Variants in ATF1 observed in about 807,000 individuals in gnomAD.
ATF1 encodes the protein cyclic AMP-dependent transcription factor ATF-1.
Under a neutral mutation model 34.7 loss-of-function variants are expected in ATF1, and 16 were observed. That is an observed-to-expected ratio of 0.46 (90% CI 0.31 to 0.70). The LOEUF is 0.70. ATF1 is among the 30% of genes least tolerant of loss of function. The probability of loss-of-function intolerance (pLI) is 0.05; values close to 1 mark genes in which losing one functional copy is unlikely to be tolerated. For missense variants in ATF1, 255 were observed against 321.6 expected (o/e 0.79, Z 1.58); for synonymous variants, 105 against 113.1 (o/e 0.93, Z 0.46).
chr12:50,808,992 C>T (rs1002778383), intron 3 of ATF1, among the ~76,000 whole-genome samples: 1 of 152,064 alleles, frequency 6.6e-6, no homozygotes, highest in Non-Finnish European at 1.5e-5. Flanking sequence ...CTGGTCTCGG[C>T]CTCCCAAAAT....
Position 50,818,385 on chromosome 12 carries a change from G to T in ATF1, c.672-1250G>T, listed in dbSNP as rs553143197. 2.6e-5 allele frequency among the ~76,000 whole-genome samples: 4 copies of T among 152,278 alleles called. No individual in the cohort carries two copies. In the East Asian group the frequency reaches 7.7e-4, roughly 29 times the overall value. ...TGATTGTGCCACTGCACTCAGCCTG[G>T]TTGACAGAGTGAGACCCTGTCTCAA... On this transcript the variant is annotated intron_variant, in intron 6 of 6. Coordinates refer to ENST00000262053, the MANE Select transcript of ATF1 (RefSeq NM_005171.5).
rs370015535 is a variant in ATF1 at position 50,813,981 on chromosome 12, C to CAAT, written c.329-27_329-25dup. 2.5e-4 allele frequency: 394 copies of CAAT among 1,594,346 alleles called. 3 individuals carry two copies. The African/African-American group carries it at 5.0e-3, about 20-fold the overall frequency. ...TGAATTAGTGTATTATATAACCTTACAATAGCTATTTTCTCTTTTTGATTA... is the reference window on the plus strand; with the variant it reads ...TGAATTAGTGTATTATATAACCTTACAATAATAGCTATTTTCTCTTTTTGATTA... On this transcript the variant is annotated intron_variant, in intron 4 of 6. Transcript: ENST00000262053.
chr12:50,774,824 T>G (rs1020977716), intron 1 of ATF1, among the ~76,000 whole-genome samples: 1 of 151,504 alleles, frequency 6.6e-6, no homozygotes, highest in East Asian at 1.9e-4. Context: ...CTCGGCTCAT[T>G]GCAAGCTCCG....
chr12:50,764,093 A>G (rs1302962727), upstream of ATF1: 1 of 126,284 alleles, frequency 7.9e-6, no homozygotes. Flanking sequence ...TGTGTAGATC[A>G]TGCCGCCAGT....
At chr12:50,779,853 G>A (rs1215159356) in intron 1 of ATF1, among the ~76,000 whole-genome samples, 1 of 152,148 alleles carries the variant, frequency 6.6e-6, no homozygotes, top group Non-Finnish European at 1.5e-5. Context: ...ATATGTTTGT[G>A]TCCATAGACA....
At chr12:50,800,566 A>G (rs536142451) in intron 3 of ATF1, among the ~76,000 whole-genome samples, 7 of 152,302 alleles carry the variant, frequency 4.6e-5, no homozygotes, top group African/African-American at 1.7e-4. Flanking sequence ...AGCGAGCCTT[A>G]GCACCCAAGC....
chr12:50,817,360 C>T (rs1941864779), intron 6 of ATF1, among the ~76,000 whole-genome samples: 2 of 152,084 alleles, frequency 1.3e-5, no homozygotes, highest in African/African-American at 4.8e-5. Flanking sequence ...AATGAATAAT[C>T]ATTTCAACAT....
intron 1 of ATF1, among the ~76,000 whole-genome samples, chr12:50,766,982 C>T (rs566583340): frequency 6.6e-5 from 10 of 152,140 alleles, no homozygotes; most frequent in African/African-American, 2.4e-4. Flanking sequence ...GGGTGCTAAG[C>T]GGAGTGGCTA....
chr12:50,774,384 A>G (rs1940858270), intron 1 of ATF1, among the ~76,000 whole-genome samples: 1 of 152,128 alleles, frequency 6.6e-6, no homozygotes, highest in East Asian at 1.9e-4. Context: ...TCTCTATGTC[A>G]GCAAGATCTC....
At chr12:50,775,824 T>C (rs2139644003) in intron 1 of ATF1, among the ~76,000 whole-genome samples, 1 of 152,326 alleles carries the variant, frequency 6.6e-6, no homozygotes. Context: ...AGTAGAGATA[T>C]TTGCAGAAGG....
At chr12:50,817,389 T>C (rs950849302) in intron 6 of ATF1, among the ~76,000 whole-genome samples, 7 of 152,156 alleles carry the variant, frequency 4.6e-5, no homozygotes, top group African/African-American at 9.6e-5. Flanking sequence ...CTTAGAAAAA[T>C]TGAATGAAAA....
At chr12:50,774,833 C>T (rs1184015037) in intron 1 of ATF1, among the ~76,000 whole-genome samples, 5 of 151,010 alleles carry the variant, frequency 3.3e-5, no homozygotes, top group South Asian at 2.1e-4. Context: ...TTGCAAGCTC[C>T]GCCTCCCGGG....
chr12:50,807,802 G>GTTTTTTTT (rs60898769), intron 3 of ATF1, among the ~76,000 whole-genome samples: 1 of 141,876 alleles, frequency 7.0e-6, no homozygotes. Context: ...TTGTGTGTGT[G>GTTTTTTTT]TTTTTTTTTT....
intron 2 of ATF1, among the ~76,000 whole-genome samples, chr12:50,788,916 C>T (rs1941243985): frequency 6.6e-6 from 1 of 152,066 alleles, no homozygotes; most frequent in African/African-American, 2.4e-5. Context: ...AATTGACTCC[C>T]AAGTGTAGTA....
At chr12:50,809,653 A>G in intron 4 of ATF1, 64 bp downstream of exon 4, 1 of 1,490,742 alleles carries the variant, frequency 6.7e-7, no homozygotes, top group Non-Finnish European at 9.1e-7. Flanking sequence ...GTAGAAAGAA[A>G]TGGTGTTAGG....
Position 50,767,915 on chromosome 12 carries a change from C to T in ATF1, c.-7+3608C>T, listed in dbSNP as rs569284055. ...TGAGATGGAGTCTTGCTCTGTCGCC[C>T]AGGCTGGAGTGCAGTGGTGCGATCT... On this transcript the variant is annotated intron_variant, in intron 1 of 6. Coordinates refer to ENST00000262053, the MANE Select transcript of ATF1 (RefSeq NM_005171.5). Among the ~76,000 whole-genome samples the T allele has an allele frequency of 9.2e-5, 14 of 151,556 alleles. No homozygotes were observed. The South Asian group carries it at 2.9e-3, about 32-fold the overall frequency.
intron 3 of ATF1, among the ~76,000 whole-genome samples, chr12:50,798,196 A>T (rs547937935): frequency 1.3e-5 from 2 of 152,288 alleles, no homozygotes; most frequent in South Asian, 4.1e-4. Flanking sequence ...TTCAGGAAGA[A>T]GAAAATGAAA....
chr12:50,783,158 T>G (rs1445648369), intron 2 of ATF1, among the ~76,000 whole-genome samples: 2 of 152,222 alleles, frequency 1.3e-5, no homozygotes, highest in Non-Finnish European at 2.9e-5. Flanking sequence ...TTTTTAAATT[T>G]AATTTTAAAT....
rs375778617 is a variant in ATF1, at chr12:50,805,451, G to A, written c.195-4005G>A. 4.6e-5 allele frequency among the ~76,000 whole-genome samples: 7 copies of A among 151,566 alleles called. No individual in the cohort carries two copies. In the East Asian group the frequency reaches 7.9e-4, roughly 17 times the overall value. On this transcript the variant is annotated intron_variant, in intron 3 of 6. Transcript: ENST00000262053. ...TGCATGCCTGTAGTCCCAGCCACTC[G>A]GGAGGCTGAGGTGGGAGGATCACTT...
Sources: allele counts gnomAD v4.1 joint callset (sites outside exome capture counted in the v4.1 genomes callset), GRCh38; gene constraint gnomAD v4.1.1; transcripts MANE v1.5; gene names NCBI Gene and HGNC (gene_info 2026-07-23, HGNC 2026-07-21).